Variants in ASB3 observed in about 807,000 individuals in gnomAD.
ASB3 encodes ankyrin repeat and SOCS box protein 3.
In ASB3, 41 loss-of-function variants were observed where a neutral mutation model predicts 54.5. The observed-to-expected ratio is 0.75, with a 90% CI of 0.59 to 0.98. ASB3 has a LOEUF of 0.98. Ranked by LOEUF, ASB3 falls within the 50% of genes least tolerant of loss-of-function variation. The probability of loss-of-function intolerance (pLI) is 0.00; values close to 1 mark genes in which losing one functional copy is unlikely to be tolerated. For synonymous variants in ASB3, 266 were observed against 221.2 expected (o/e 1.20, Z -1.80); for missense variants, 733 against 620.0 (o/e 1.18, Z -1.94).
intron 7 of ASB3, among the ~76,000 whole-genome samples, 184 bp downstream of exon 7, chr2:53,714,200 T>C (rs771316458): frequency 1.3e-5 from 2 of 152,180 alleles, no homozygotes; most frequent in Non-Finnish European, 2.9e-5. Context: ...AACAATGTGA[T>C]ATTATCACCT....
intron 2 of ASB3, among the ~76,000 whole-genome samples, chr2:53,754,888 T>C (rs961831919): frequency 3.3e-5 from 5 of 152,196 alleles, no homozygotes; most frequent in Non-Finnish European, 4.4e-5. Context: ...GTTCCAAAGA[T>C]AAACTGCTTT....
At chr2:53,695,374 C>A (rs181497360) in intron 8 of ASB3, among the ~76,000 whole-genome samples, 1 of 152,062 alleles carries the variant, frequency 6.6e-6, no homozygotes, top group Non-Finnish European at 1.5e-5. Flanking sequence ...AGTGAAATCA[C>A]AACTTATCAG....
chr2:53,713,829 C>T (rs887410628), intron 7 of ASB3, among the ~76,000 whole-genome samples: 7 of 152,056 alleles, frequency 4.6e-5, no homozygotes, highest in Admixed American at 2.0e-4. Context: ...GGGAGGATCA[C>T]CTGAGCCTGG....
intron 5 of ASB3, among the ~76,000 whole-genome samples, chr2:53,723,647 T>A (rs138494399): frequency 0.012 from 1,879 of 152,186 alleles, 39 homozygotes; most frequent in African/African-American, 0.041. Context: ...GCAAAAAGAA[T>A]AAAGCTGGAG....
intron 9 of ASB3, among the ~76,000 whole-genome samples, chr2:53,678,701 G>A (rs910067868): frequency 6.6e-6 from 1 of 152,182 alleles, no homozygotes; most frequent in Non-Finnish European, 1.5e-5. Context: ...TGGGAAGAGA[G>A]ATAAGTCCTC....
chr2:53,785,961 G>A (rs1674958173), intron 1 of ASB3, among the ~76,000 whole-genome samples: 1 of 151,702 alleles, frequency 6.6e-6, no homozygotes, highest in African/African-American at 2.4e-5. Flanking sequence ...TGATACTATG[G>A]ATTCCTGATG....
chr2:53,746,155 G>A (rs549497625), intron 3 of ASB3, among the ~76,000 whole-genome samples: 1 of 152,120 alleles, frequency 6.6e-6, no homozygotes, highest in South Asian at 2.1e-4. Flanking sequence ...AATTAGCTGG[G>A]TGTGGTGGCG....
At chr2:53,706,229 C>T (rs766159038) in intron 7 of ASB3, among the ~76,000 whole-genome samples, 7 of 152,172 alleles carry the variant, frequency 4.6e-5, no homozygotes, top group Non-Finnish European at 7.4e-5. Context: ...ATGCTCCATC[C>T]TTATCCCTCC....
At chr2:53,768,647 A>G (rs1336942064) in intron 1 of ASB3, among the ~76,000 whole-genome samples, 1 of 152,244 alleles carries the variant, frequency 6.6e-6, no homozygotes, top group African/African-American at 2.4e-5. Flanking sequence ...TATGAATAAC[A>G]TAGTACCAAA....
chr2:53,713,127 G>GC (rs1423469686), intron 7 of ASB3, among the ~76,000 whole-genome samples: 1 of 152,142 alleles, frequency 6.6e-6, no homozygotes, highest in Non-Finnish European at 1.5e-5. Context: ...ATCACTTGAG[G>GC]CCAGGAGTTC....
At position 53,701,442 on chromosome 2, in the gene ASB3, T is replaced by C. The variant is rs17045118; in HGVS notation, c.981-914A>G. On this transcript the variant is annotated intron_variant, in intron 7 of 9. Coordinates refer to ENST00000263634, the MANE Select transcript of ASB3 (RefSeq NM_016115.5). Reference sequence around the variant, plus strand: ...CTGGGATAATGATATCAAACCAAAATCTAACAGTGAATATGACATAGCAAA... The same window carrying C: ...CTGGGATAATGATATCAAACCAAAACCTAACAGTGAATATGACATAGCAAA... Among the ~76,000 whole-genome samples the C allele has an allele frequency of 9.9e-3, 1,504 of 152,274 alleles. 32 individuals are homozygous for C. Among genetic ancestry groups the C allele is most frequent in the African/African-American group, 0.034 (1,425 of 41,554 alleles).
intron 7 of ASB3, among the ~76,000 whole-genome samples, chr2:53,705,947 T>A (rs201983510): frequency 6.6e-6 from 1 of 152,086 alleles, no homozygotes; most frequent in Non-Finnish European, 1.5e-5. Context: ...AAGGCACACA[T>A]CCGGGCAAGG....
intron 9 of ASB3, among the ~76,000 whole-genome samples, chr2:53,679,196 G>A (rs1668236368): frequency 6.6e-6 from 1 of 152,098 alleles, no homozygotes; most frequent in African/African-American, 2.4e-5. Context: ...CCAATACAAA[G>A]AAAACTAAGC....
intron 9 of ASB3, among the ~76,000 whole-genome samples, chr2:53,685,078 G>A (rs950105700): frequency 6.6e-6 from 1 of 152,194 alleles, no homozygotes; most frequent in Non-Finnish European, 1.5e-5. Context: ...GCCAGAGTAT[G>A]AAGAGCCCTT....
In ASB3 at chr2:53,744,101, G is replaced by T. The variant is rs1374966663; in HGVS notation, c.355+6682C>A. Among the ~76,000 whole-genome samples, 6 of 151,884 alleles carry T rather than the reference G, an allele frequency of 4.0e-5. No homozygotes were observed. The East Asian group carries it at 1.2e-3, about 29-fold the overall frequency. On this transcript the variant is annotated intron_variant, in intron 3 of 9. Coordinates refer to ENST00000263634, the MANE Select transcript of ASB3 (RefSeq NM_016115.5). ...TGTTAAAACATAGAAAGGTGGCTGG[G>T]CGCAGTGGCTCACGCCTGTAATCCC...
chr2:53,786,307 C>A (rs888557730), intron 1 of ASB3: 1 of 152,158 alleles, frequency 6.6e-6, no homozygotes, highest in Non-Finnish European at 1.5e-5. Flanking sequence ...TAAAACAACA[C>A]CCCAACACTT....
At chr2:53,700,083 T>C (rs553201895) in intron 8 of ASB3, among the ~76,000 whole-genome samples, 188 bp downstream of exon 8, 18 of 152,238 alleles carry the variant, frequency 1.2e-4, no homozygotes, top group Admixed American at 9.8e-4. Context: ...TCACCTCTTA[T>C]CTTTTCCCAG....
At chr2:53,700,650 G>T in intron 7 of ASB3, 122 bp from the exon 8 acceptor site, 1 of 1,332,222 alleles carries the variant, frequency 7.5e-7, no homozygotes, top group South Asian at 1.6e-5. Context: ...ATAGTGGATG[G>T]TTTCTACACA....
chr2:53,749,157 G>C (rs1257990588), intron 3 of ASB3, among the ~76,000 whole-genome samples: 1 of 151,934 alleles, frequency 6.6e-6, no homozygotes, highest in South Asian at 2.1e-4. Flanking sequence ...AAATACAAAA[G>C]TAATGAGGAA....
Sources: allele counts gnomAD v4.1 joint callset (sites outside exome capture counted in the v4.1 genomes callset), GRCh38; gene constraint gnomAD v4.1.1; transcripts MANE v1.5; gene names NCBI Gene and HGNC (gene_info 2026-07-23, HGNC 2026-07-21).